TNS3: variants seen among roughly 807,000 people sequenced by gnomAD.
TNS3 encodes the protein tensin 3.
Under a neutral mutation model 140.9 loss-of-function variants are expected in TNS3, and 45 were observed. The ratio of observed to expected loss-of-function variants is 0.32; its 90% CI spans 0.25 to 0.41. The LOEUF is 0.41. TNS3 is among the 10% of genes least tolerant of loss of function. The pLI is 1.00. For missense variants in TNS3, 1,716 were observed against 1,906.7 expected (o/e 0.90, Z 1.86); for synonymous variants, 815 against 788.4 (o/e 1.03, Z -0.56).
chr7:47,403,097 GC>G (rs1046728054), intron 13 of TNS3, among the ~76,000 whole-genome samples: 34 of 152,266 alleles, frequency 2.2e-4, no homozygotes, highest in Admixed American at 1.5e-3. Context: ...AGCTCACCGT[GC>G]CCCTCCCGTC....
At chr7:47,353,219 A>G (rs770043236) in intron 17 of TNS3, among the ~76,000 whole-genome samples, 1 of 152,140 alleles carries the variant, frequency 6.6e-6, no homozygotes, top group East Asian at 1.9e-4. Flanking sequence ...GGTCTTATTC[A>G]GCTCCAAAGT....
intron 16 of TNS3, among the ~76,000 whole-genome samples, chr7:47,373,190 C>T (rs1180927700): frequency 2.0e-5 from 3 of 152,156 alleles, no homozygotes; most frequent in East Asian, 3.8e-4. Context: ...AGGAGACGGC[C>T]GTTTCCCTTT....
intron 13 of TNS3, among the ~76,000 whole-genome samples, chr7:47,406,210 T>C (rs1351495599): frequency 6.6e-6 from 1 of 152,078 alleles, no homozygotes; most frequent in Non-Finnish European, 1.5e-5. Context: ...ACTGCAAAGA[T>C]GGGATGGGTC....
At position 47,389,152 on chromosome 7, in the gene TNS3, A is replaced by G. The variant is rs1343983138; in HGVS notation, c.1024+7648T>C. ...AAGAAGAAGAAGAAGAAGAAGAAGAAGAAGCAGAAGAAGCAGCAGAAGCAG... is the reference window on the plus strand; with the variant it reads ...AAGAAGAAGAAGAAGAAGAAGAAGAGGAAGCAGAAGAAGCAGCAGAAGCAG... On this transcript the variant is annotated intron_variant, in intron 16 of 30. Coordinates refer to ENST00000311160, the MANE Select transcript of TNS3 (RefSeq NM_022748.12). 1.7e-4 allele frequency among the ~76,000 whole-genome samples: 6 copies of G among 34,542 alleles called. 1 individual carries two copies. The highest frequency in any genetic ancestry group is 3.4e-4 in the African/African-American group (6 of 17,400). 22.7% of individuals were successfully genotyped at this position (34,542 alleles called of 152,430 possible). A position where few individuals can be genotyped will look rare whatever the true frequency, so the allele number is the denominator to read the frequency against.
At position 47,392,715 on chromosome 7, in the gene TNS3, G is replaced by A. The variant is rs574703799; in HGVS notation, c.1024+4085C>T. 9.8e-5 allele frequency among the ~76,000 whole-genome samples: 15 copies of A among 152,370 alleles called. No individual in the cohort carries two copies. The East Asian group carries it at 1.3e-3, about 14-fold the overall frequency. On this transcript the variant is annotated intron_variant, in intron 16 of 30. Transcript: ENST00000311160. ...GGCACTGCTGACCGCAGGCAAGAGCGAAGACTGCCTGGAGTAATAGCTCAC... is the reference window on the plus strand; with the variant it reads ...GGCACTGCTGACCGCAGGCAAGAGCAAAGACTGCCTGGAGTAATAGCTCAC...
chr7:47,485,331 T>A (rs11770032), intron 3 of TNS3, among the ~76,000 whole-genome samples: 30,175 of 152,186 alleles, frequency 0.2, 3,399 homozygotes, highest in Non-Finnish European at 0.26. Flanking sequence ...TAGGTCTTTC[T>A]CTGTAGCCCT....
chr7:47,293,823 C>G lies in TNS3; in HGVS notation c.3682G>C (p.Asp1228His). Residue 1228 changes from aspartate to histidine, a missense_variant, in exon 25 of 31, where the codon GAT (aspartate) becomes CAT (histidine). Coordinates refer to ENST00000311160, the MANE Select transcript of TNS3 (RefSeq NM_022748.12). ...SVLQLNKKAG[D>H]LANELVRHFL... ...TGCCGGACGAGTTCATTGGCCAAAT[C>G]TCCAGCTGTGGCAAGAAATTTAAAG... The G allele has an allele frequency of 6.2e-7, 1 of 1,614,202 alleles. No homozygotes were observed. Among genetic ancestry groups the G allele is most frequent in the South Asian group, 1.1e-5 (1 of 91,084 alleles).
At chr7:47,382,892 A>G (rs1253914969) in intron 16 of TNS3, among the ~76,000 whole-genome samples, 1 of 152,218 alleles carries the variant, frequency 6.6e-6, no homozygotes, top group Non-Finnish European at 1.5e-5. Flanking sequence ...CAGCTAATGA[A>G]GAAAAGACTT....
chr7:47,440,312 G>A (rs1795403158), intron 5 of TNS3, among the ~76,000 whole-genome samples: 1 of 152,102 alleles, frequency 6.6e-6, no homozygotes, highest in Non-Finnish European at 1.5e-5. Context: ...TTCATCTACT[G>A]AGTAGCAACT....
chr7:47,430,751 CCCT>C (rs1233861808), intron 8 of TNS3, among the ~76,000 whole-genome samples: 1 of 151,494 alleles, frequency 6.6e-6, no homozygotes, highest in African/African-American at 2.4e-5. Flanking sequence ...AATGGAGTCT[CCCT>C]CTGTCATCCA....
intron 1 of TNS3, among the ~76,000 whole-genome samples, chr7:47,531,892 C>T (rs988757090): frequency 1.3e-5 from 2 of 152,180 alleles, no homozygotes; most frequent in Admixed American, 6.5e-5. Flanking sequence ...ATCTGCCCCC[C>T]GGGGTGCAGC....
chr7:47,449,980 C>A (rs1795940216), intron 4 of TNS3, among the ~76,000 whole-genome samples: 1 of 152,196 alleles, frequency 6.6e-6, no homozygotes, highest in Non-Finnish European at 1.5e-5. Context: ...GCTCTACAGC[C>A]CCCTCCCATG....
intron 12 of TNS3, among the ~76,000 whole-genome samples, chr7:47,412,655 A>G (rs1793838481): frequency 6.6e-6 from 1 of 152,252 alleles, no homozygotes; most frequent in South Asian, 2.1e-4. Context: ...AAGAAAAACC[A>G]TAGTAGTGAG....
chr7:47,303,851 C>T (rs759565714), intron 21 of TNS3, among the ~76,000 whole-genome samples: 2 of 152,216 alleles, frequency 1.3e-5, no homozygotes, highest in African/African-American at 2.4e-5. Context: ...CCTCCACATG[C>T]GCAGATGCTG....
At position 47,292,848 on chromosome 7, in the gene TNS3, T is replaced by C. The variant is rs1447727758; in HGVS notation, c.3830A>G (p.Lys1277Arg). The C allele has an allele frequency of 1.2e-6, 2 of 1,614,140 alleles. No individual in the cohort carries two copies. The highest frequency in any genetic ancestry group is 4.5e-5 in the East Asian group (2 of 44,882). ...CTTACCTCTCTCTGGGATAAGCAGC[T>C]TGCACGGCAAGGCCAAGGGCGTGAT... ...HSITPLALPC[K>R]LLIPERDPLE... Residue 1277 changes from lysine (K) to arginine (R), a missense_variant, in exon 26 of 31, where the codon AAG (lysine) becomes AGG (arginine). By Grantham distance (26) the Lys-to-Arg change is conservative (BLOSUM62 2). This residue lies in a region of TNS3 where 216 missense variants were observed against 295.7 expected (regional missense o/e 0.73). Transcript: ENST00000311160.
intron 4 of TNS3, among the ~76,000 whole-genome samples, chr7:47,477,378 G>T (rs1342035325): frequency 6.6e-6 from 1 of 152,146 alleles, no homozygotes; most frequent in Admixed American, 6.5e-5. Flanking sequence ...CCTGGGGGTG[G>T]GTACAAGTGC....
At chr7:47,384,075 G>A (rs549542315) in intron 16 of TNS3, among the ~76,000 whole-genome samples, 12 of 152,250 alleles carry the variant, frequency 7.9e-5, no homozygotes, top group South Asian at 4.2e-4. Flanking sequence ...CCTCCAGCCC[G>A]TGACCACCCA....
intron 8 of TNS3, 58 bp from the exon 9 acceptor site, chr7:47,428,434 T>C (rs1465282615): frequency 2.3e-6 from 3 of 1,282,910 alleles, no homozygotes; most frequent in African/African-American, 1.5e-5. Context: ...GAGATGTAAT[T>C]AGAACAGGAA....
chr7:47,480,980 G>T, intron 4 of TNS3, 123 bp downstream of exon 4: 1 of 636,742 alleles, frequency 1.6e-6, no homozygotes, highest in Non-Finnish European at 2.4e-6. Flanking sequence ...CAAGCTACAG[G>T]TCAAAGGGAG....
Sources: gnomAD v4.1 joint callset for allele counts (sites outside exome capture counted in the v4.1 genomes callset) on GRCh38, gnomAD v4.1.1 for gene constraint, gnomAD v4.1.1 regional missense constraint, MANE v1.5 for transcripts, NCBI Gene and HGNC (gene_info 2026-07-23, HGNC 2026-07-21) for gene names.